The following TMEM181 variants were observed in gnomAD, a reference collection of about 807,000 sequenced individuals.
TMEM181 encodes the protein transmembrane protein 181, also known as G protein-coupled receptor 178.
In TMEM181, 39 loss-of-function variants were observed where a neutral mutation model predicts 71.9. That is an observed-to-expected ratio of 0.54 (90% confidence interval 0.42 to 0.71). TMEM181 has a LOEUF of 0.71. TMEM181 is among the 30% of genes least tolerant of loss of function. TMEM181 has a pLI of 0.00. For synonymous variants in TMEM181, 245 were observed against 228.8 expected, an observed-to-expected ratio of 1.07 and a Z score of -0.64; for missense variants, 595 against 583.0, an observed-to-expected ratio of 1.02 and a Z score of -0.21.
chr6:158,570,160 T>C (rs773437905), intron 1 of TMEM181, among the ~76,000 whole-genome samples: 1 of 151,596 alleles, frequency 6.6e-6, no homozygotes, highest in Non-Finnish European at 1.5e-5. Context: ...AACTCAGAAA[T>C]AGCAGTGTCA....
At chr6:158,629,955 T>C in intron 15 of TMEM181, 136 bp downstream of exon 15, 1 of 743,178 alleles carries the variant, frequency 1.3e-6, no homozygotes, top group Non-Finnish European at 2.3e-6. Context: ...AGAGAGAGAG[T>C]GAGTTGAAAT....
Position 158,570,726 on chromosome 6 carries a change from C to G in TMEM181, c.9-2694C>G, listed in dbSNP as rs572588123. On this transcript the variant is annotated intron_variant, in intron 1 of 16. Transcript: ENST00000684151. ...GTGGCTTCCCCTCAGGGGGGCACTT[C>G]ACATAACCTGGCGCATTTATCAAAA... Among the ~76,000 whole-genome samples, 631 of 127,444 alleles carry G rather than the reference C, an allele frequency of 5.0e-3. 7 individuals carry two copies. Among genetic ancestry groups the G allele is most frequent in the African/African-American group, 0.018 (608 of 34,404 alleles). 83.6% of individuals were successfully genotyped at this position (127,444 alleles called of 152,430 possible). A position where few individuals can be genotyped will look rare whatever the true frequency, so the allele number is the denominator to read the frequency against.
At chr6:158,542,162 C>T (rs1781378639) in intron 1 of TMEM181, among the ~76,000 whole-genome samples, 1 of 152,098 alleles carries the variant, frequency 6.6e-6, no homozygotes, top group Non-Finnish European at 1.5e-5. Context: ...CCACCTTGGC[C>T]TCCCAAATTG....
chr6:158,555,748 T>C (rs537754584), upstream of TMEM181, among the ~76,000 whole-genome samples: 1 of 152,324 alleles, frequency 6.6e-6, no homozygotes, highest in Admixed American at 6.5e-5. Context: ...TGCTTTTTAT[T>C]AATCTCTCAG....
Position 158,585,251 on chromosome 6 carries a change from T to C in TMEM181, c.260-53T>C. 4.6e-6 allele frequency: 7 copies of C among 1,517,520 alleles called. No homozygotes were observed. In the South Asian group the frequency reaches 9.3e-5, roughly 20 times the overall value. The allele number at this position is 1,517,520 out of a possible 1,614,324, so 94.0% of individuals were successfully genotyped here. ...TTACAGAGCCAGGAAGGCACCTTTGTAGGTGTGATGTGCCTGGCATGGTCT... is the reference window on the plus strand; with the variant it reads ...TTACAGAGCCAGGAAGGCACCTTTGCAGGTGTGATGTGCCTGGCATGGTCT... On this transcript the variant is annotated intron_variant, in intron 4 of 16. Coordinates refer to ENST00000684151, the MANE Select transcript of TMEM181 (RefSeq NM_001376852.1).
intron 2 of TMEM181, among the ~76,000 whole-genome samples, chr6:158,577,348 C>T (rs1370005997): frequency 6.6e-6 from 1 of 152,050 alleles, no homozygotes; most frequent in Admixed American, 6.6e-5. Context: ...CAGATTTGAA[C>T]AGGTAGAGGA....
At chr6:158,601,598 A>G (rs1784673909) in intron 6 of TMEM181, among the ~76,000 whole-genome samples, 1 of 151,970 alleles carries the variant, frequency 6.6e-6, no homozygotes, top group Admixed American at 6.6e-5. Flanking sequence ...GTCTCGACTA[A>G]AAATACAAAA....
Position 158,627,202 on chromosome 6 carries a change from ACT to A in TMEM181, c.1110-1204_1110-1203del, listed in dbSNP as rs560827986. Among the ~76,000 whole-genome samples, 202 of 150,570 alleles carry A rather than the reference ACT, an allele frequency of 1.3e-3. 1 individual carries two copies. Among genetic ancestry groups the A allele is most frequent in the African/African-American group, 4.8e-3 (194 of 40,832 alleles). ...CTCACTCTCACACCCTTACACCTTC[ACT>A]CACACACCCTCACCCTCAAATTACC... On this transcript the variant is annotated intron_variant, in intron 13 of 16. Transcript: ENST00000684151.
intron 1 of TMEM181, among the ~76,000 whole-genome samples, chr6:158,569,413 A>G (rs1782682422): frequency 6.6e-6 from 1 of 152,202 alleles, no homozygotes; most frequent in Non-Finnish European, 1.5e-5. Context: ...TTAAGAAGAC[A>G]GATTATGTTG....
Position 158,634,568 on chromosome 6 carries a change from A to C in TMEM181, c.*2680A>C, listed in dbSNP as rs1194650142. On this transcript the variant is annotated 3_prime_UTR_variant, in exon 17 of 17. Transcript: ENST00000684151. ...TTCCCTAGGGAGAGCTTCGTTATCC[A>C]TGTGGATGATAAGTCTGCTTGATTT... 6.6e-6 allele frequency: 1 copy of C among 152,188 alleles called. No individual in the cohort carries two copies. Among genetic ancestry groups the C allele is most frequent in the Non-Finnish European group, 1.5e-5 (1 of 68,028 alleles). The allele number at this position is 152,188 out of a possible 1,614,324, so 9.4% of individuals were successfully genotyped here. A position where few individuals can be genotyped will look rare whatever the true frequency, so the allele number is the denominator to read the frequency against.
rs1414363235 is a variant in TMEM181, at chr6:158,634,035, T to A, written c.*2147T>A. 3.3e-5 allele frequency: 5 copies of A among 152,250 alleles called. No individual in the cohort carries two copies. Among genetic ancestry groups the A allele is most frequent in the African/African-American group, 1.2e-4 (5 of 41,474 alleles). 9.4% of individuals were successfully genotyped at this position (152,250 alleles called of 1,614,324 possible). A position where few individuals can be genotyped will look rare whatever the true frequency, so the allele number is the denominator to read the frequency against. The stretch of plus-strand genomic sequence containing the variant: ...ACACACACTAGAACTTTTTAAAACT[T>A]TGTCCTATAGTGTAATTATAAACTG... On this transcript the variant is annotated 3_prime_UTR_variant, in exon 17 of 17. Coordinates refer to ENST00000684151, the MANE Select transcript of TMEM181 (RefSeq NM_001376852.1).
chr6:158,611,244 C>T, intron 10 of TMEM181: 1 of 497,788 alleles, frequency 2.0e-6, no homozygotes, highest in Admixed American at 2.2e-5. Context: ...GTGACTGTGA[C>T]ACTCCTGGCT....
intron 1 of TMEM181, chr6:158,536,874 G>T (rs200670334): frequency 6.4e-5 from 87 of 1,352,102 alleles, no homozygotes; most frequent in Non-Finnish European, 8.1e-5. Flanking sequence ...AGGTGGGCGC[G>T]GCGCGGGCAG....
intron 6 of TMEM181, 39 bp downstream of exon 6, chr6:158,589,821 G>A (rs1429712653): frequency 5.8e-6 from 8 of 1,371,478 alleles, no homozygotes; most frequent in East Asian, 2.3e-5. Context: ...CATGGCTCAT[G>A]TTCTAGTTCC....
intron 7 of TMEM181, 136 bp downstream of exon 7, chr6:158,605,483 A>G (rs1784903537): frequency 1.3e-6 from 1 of 787,576 alleles, no homozygotes; most frequent in Non-Finnish European, 2.2e-6. Flanking sequence ...CTGTGCTGAT[A>G]TTACAACTCT....
At chr6:158,626,602 G>A (rs1583056822) in intron 13 of TMEM181, 1 of 456,994 alleles carries the variant, frequency 2.2e-6, no homozygotes, top group East Asian at 6.9e-5. Context: ...CACTAGGAGT[G>A]TGAACTCAGC....
Position 158,608,321 on chromosome 6 carries a change from T to G in TMEM181, c.674-12T>G. ...CTGTTTTCCACATGGATTTCTGCCCTTTGTGTTCCAGATCCGTTCTTCCCC... is the reference window on the plus strand; with the variant it reads ...CTGTTTTCCACATGGATTTCTGCCCGTTGTGTTCCAGATCCGTTCTTCCCC... On this transcript the variant is annotated splice_polypyrimidine_tract_variant and intron_variant, in intron 8 of 16. Transcript: ENST00000684151. 1 of 1,614,176 alleles carries G rather than the reference T, an allele frequency of 6.2e-7. No individual in the cohort carries two copies. The highest frequency in any genetic ancestry group is 8.5e-7 in the Non-Finnish European group (1 of 1,180,000).
At position 158,618,047 on chromosome 6, in the gene TMEM181, C is replaced by T. The variant is rs554756852; in HGVS notation, c.897-5503C>T. 8.9e-4 allele frequency among the ~76,000 whole-genome samples: 136 copies of T among 152,246 alleles called. 2 individuals carry two copies. The Middle Eastern group carries it at 0.027, about 30-fold the overall frequency. ...CCGGATATCCTTGTTAGCTTTCTGT[C>T]TTGTTGATCTGTCTAATGTTGACAG... On this transcript the variant is annotated intron_variant, in intron 10 of 16. Coordinates refer to ENST00000684151, the MANE Select transcript of TMEM181 (RefSeq NM_001376852.1).
chr6:158,566,212 T>G (rs998557981), intron 1 of TMEM181, among the ~76,000 whole-genome samples: 3 of 151,956 alleles, frequency 2.0e-5, no homozygotes, highest in African/African-American at 7.3e-5. Flanking sequence ...GGTACCTGCT[T>G]GATAGCCAAA....
Sources: allele counts gnomAD v4.1 joint callset (sites outside exome capture counted in the v4.1 genomes callset), GRCh38; gene constraint gnomAD v4.1.1; transcripts MANE v1.5; gene names NCBI Gene and HGNC (gene_info 2026-07-23, HGNC 2026-07-21).